Variants in TTLL11 observed in about 807,000 individuals in gnomAD.
TTLL11 encodes tubulin tyrosine ligase like 11, also known as tubulin polyglutamylase TTLL11.
In TTLL11, 42 loss-of-function variants were observed where a neutral mutation model predicts 51.7. The ratio of observed to expected loss-of-function variants is 0.81; its 90% CI spans 0.64 to 1.05. The LOEUF (loss-of-function observed/expected upper bound fraction) is 1.05, where lower values mean the gene tolerates loss of function less well. Among genes scored for constraint, TTLL11 ranks in the 50% least tolerant of loss-of-function variants. The pLI, the probability that TTLL11 is intolerant of heterozygous loss-of-function variation, is 0.00. For synonymous variants in TTLL11, 381 were observed against 383.5 expected (o/e 0.99, Z 0.08); for missense variants, 799 against 940.4 (o/e 0.85, Z 1.97).
rs144749705 is a variant in TTLL11 at position 122,022,686 on chromosome 9, A to T, written c.693+9037T>A. Among the ~76,000 whole-genome samples the T allele has an allele frequency of 3.1e-4, 47 of 152,172 alleles. 1 individual carries two copies. Among genetic ancestry groups the T allele is most frequent in the African/African-American group, 1.1e-3 (44 of 41,578 alleles). On this transcript the variant is annotated intron_variant, in intron 3 of 8. Coordinates refer to ENST00000321582, the MANE Select transcript of TTLL11 (RefSeq NM_001139442.2). ...ATACCTGACAGAAATGTGAATCTACACAAAAAAATACAGAACACTGGAAAT... is the reference window on the plus strand; with the variant it reads ...ATACCTGACAGAAATGTGAATCTACTCAAAAAAATACAGAACACTGGAAAT...
intron 6 of TTLL11, among the ~76,000 whole-genome samples, chr9:121,881,414 C>T (rs993617622): frequency 3.9e-5 from 6 of 152,218 alleles, no homozygotes; most frequent in Non-Finnish European, 8.8e-5. Context: ...ACACTGAGCA[C>T]CCGATGAACC....
At chr9:122,084,134 G>A (rs1307835954) in intron 1 of TTLL11, among the ~76,000 whole-genome samples, 1 of 152,086 alleles carries the variant, frequency 6.6e-6, no homozygotes, top group Non-Finnish European at 1.5e-5. Context: ...AGGAAAACTG[G>A]CCTTCATCAG....
At chr9:122,068,105 G>A (rs1467819520) in intron 1 of TTLL11, among the ~76,000 whole-genome samples, 2 of 152,168 alleles carry the variant, frequency 1.3e-5, no homozygotes, top group Non-Finnish European at 2.9e-5. Flanking sequence ...TTAAGTAAAT[G>A]ATGGTACATT....
At chr9:121,997,395 T>C (rs555495202) in intron 3 of TTLL11, among the ~76,000 whole-genome samples, 2 of 152,202 alleles carry the variant, frequency 1.3e-5, no homozygotes, top group African/African-American at 4.8e-5. Context: ...CCAGCCAGCC[T>C]CTGTCCAGCC....
chr9:121,840,132 AGAAGGTAAT>A (rs1837307164), intron 8 of TTLL11, among the ~76,000 whole-genome samples: 1 of 152,198 alleles, frequency 6.6e-6, no homozygotes, highest in East Asian at 1.9e-4. Context: ...CCTTCTTTAC[AGAAGGTAAT>A]TTTATTAGTG....
intron 1 of TTLL11, among the ~76,000 whole-genome samples, chr9:122,040,565 A>G (rs1169103148): frequency 6.6e-6 from 1 of 152,240 alleles, no homozygotes; most frequent in African/African-American, 2.4e-5. Flanking sequence ...ATGCCAACAT[A>G]TTAAATAAAA....
In TTLL11 at chr9:121,989,627, C is replaced by A; in HGVS notation, c.837G>T (p.Ala279=). Residue 279 remains alanine (A), a synonymous_variant, in exon 4 of 9, where the codon GCG becomes GCT. Transcript: ENST00000321582. The surrounding 1 kb of genome is among the most constrained non-coding windows in gnomAD (Gnocchi z 4.2). ...GTTTGCAGATGTACTCCTGGACCAC[C>A]GCTGGCCTGCTCTGGAGGGTCCCTG... ...RLAGTLQSRP[A]VVQEYICKPL... is the part of the protein sequence containing the mutation. 1 of 1,614,102 alleles carries A rather than the reference C, an allele frequency of 6.2e-7. No homozygotes were observed. Among genetic ancestry groups the A allele is most frequent in the Non-Finnish European group, 8.5e-7 (1 of 1,180,014 alleles).
At chr9:121,904,227 C>A (rs866301474) in intron 6 of TTLL11, among the ~76,000 whole-genome samples, 1 of 150,598 alleles carries the variant, frequency 6.6e-6, no homozygotes, top group African/African-American at 2.5e-5. Flanking sequence ...GCCAGGCTGG[C>A]ATGCAGTGGC....
rs139869868 is a variant in TTLL11 at position 121,845,460 on chromosome 9, A to G, written c.1840+14877T>C. On this transcript the variant is annotated intron_variant, in intron 8 of 8. Coordinates refer to ENST00000321582, the MANE Select transcript of TTLL11 (RefSeq NM_001139442.2). ...ATATGGGCCAGAGACTCAGATCTAC[A>G]TAAAGAAAGGAAGAGCATTAGAGAA... 7.2e-5 allele frequency among the ~76,000 whole-genome samples: 11 copies of G among 152,328 alleles called. No homozygotes were observed. The East Asian group carries it at 2.1e-3, about 29-fold the overall frequency.
At chr9:121,945,163 AG>A (rs947910079) in intron 6 of TTLL11, among the ~76,000 whole-genome samples, 1 of 152,190 alleles carries the variant, frequency 6.6e-6, no homozygotes, top group Admixed American at 6.5e-5. Flanking sequence ...TGCAAGGGAC[AG>A]TTGCTGGCTG....
chr9:121,973,362 C>T (rs1842621336), intron 6 of TTLL11, among the ~76,000 whole-genome samples: 1 of 152,168 alleles, frequency 6.6e-6, no homozygotes, highest in Non-Finnish European at 1.5e-5. Flanking sequence ...CTTACCATGT[C>T]CTAGTTACCT....
At chr9:121,895,353 CGT>C (rs60918422) in intron 6 of TTLL11, among the ~76,000 whole-genome samples, 10 of 150,392 alleles carry the variant, frequency 6.6e-5, no homozygotes, top group South Asian at 4.2e-4. Flanking sequence ...TGGCTGTGTG[CGT>C]GTGTGTGTAT....
chr9:121,864,843 A>G (rs1214972706), intron 7 of TTLL11, among the ~76,000 whole-genome samples: 3 of 152,248 alleles, frequency 2.0e-5, no homozygotes, highest in African/African-American at 7.2e-5. Context: ...TTTCCTCTTA[A>G]CAACTACTGA....
At chr9:121,964,050 GA>G (rs550264099) in intron 6 of TTLL11, among the ~76,000 whole-genome samples, 26 of 149,214 alleles carry the variant, frequency 1.7e-4, no homozygotes, top group Middle Eastern at 3.4e-3. Flanking sequence ...TTTTGCTCCA[GA>G]AAAAAAATAC....
At chr9:122,007,589 C>A (rs1335487501) in intron 3 of TTLL11, among the ~76,000 whole-genome samples, 1 of 151,762 alleles carries the variant, frequency 6.6e-6, no homozygotes, top group African/African-American at 2.4e-5. Context: ...ATATTATAAC[C>A]CACAGAATAA....
At chr9:122,006,484 C>T (rs941345323) in intron 3 of TTLL11, among the ~76,000 whole-genome samples, 3 of 151,372 alleles carry the variant, frequency 2.0e-5, no homozygotes, top group African/African-American at 7.3e-5. Context: ...TCATACAACA[C>T]CCAGTGATTA....
At chr9:122,076,771 G>A (rs1175228797) in intron 1 of TTLL11, among the ~76,000 whole-genome samples, 1 of 146,422 alleles carries the variant, frequency 6.8e-6, no homozygotes, top group East Asian at 2.0e-4. Context: ...AGACAGAAGA[G>A]AGTGGATGAG....
intron 1 of TTLL11, among the ~76,000 whole-genome samples, chr9:122,085,221 C>A (rs1343458236): frequency 6.6e-6 from 1 of 152,142 alleles, no homozygotes; most frequent in African/African-American, 2.4e-5. Flanking sequence ...GATCGCACCA[C>A]TGCACTCCAA....
In TTLL11 at chr9:121,890,878, G is replaced by C. The variant is rs529746938; in HGVS notation, c.1482-20130C>G. Among the ~76,000 whole-genome samples the C allele has an allele frequency of 1.1e-4, 17 of 152,274 alleles. No individual in the cohort carries two copies. The highest frequency in any genetic ancestry group is 3.4e-3 in the Middle Eastern group (1 of 294). ...GGCCTGGTCAAGCCCTTGACTTTGG[G>C]TCCCTCTCTGGCCCCATCTCAGACC... On this transcript the variant is annotated intron_variant, in intron 6 of 8. Transcript: ENST00000321582. This position sits in a 1 kb window ranked among gnomAD's most constrained non-coding sequence, Gnocchi z 4.3.
Sources: allele counts gnomAD v4.1 joint callset (sites outside exome capture counted in the v4.1 genomes callset), GRCh38; gene constraint gnomAD v4.1.1; non-coding constraint Gnocchi (gnomAD v3.1); transcripts MANE v1.5; gene names NCBI Gene and HGNC (gene_info 2026-07-23, HGNC 2026-07-21).